PDZD2: variants seen among roughly 807,000 people sequenced by gnomAD.
PDZD2 encodes the protein PDZ domain-containing protein 2.
A neutral mutation model predicts 220.7 loss-of-function variants in PDZD2; 90 were observed. The ratio of observed to expected loss-of-function variants is 0.41; its 90% CI spans 0.34 to 0.49. PDZD2 has a LOEUF of 0.49. Among genes scored for constraint, PDZD2 ranks in the 20% least tolerant of loss-of-function variants. PDZD2 has a pLI of 0.28. For synonymous variants in PDZD2, 1,375 were observed against 1,450.5 expected, an observed-to-expected ratio of 0.95 and a Z score of 1.18; for missense variants, 3,174 against 3,608.5, an observed-to-expected ratio of 0.88 and a Z score of 3.08.
At chr5:32,033,414 A>T (rs1165237361) in intron 6 of PDZD2, among the ~76,000 whole-genome samples, 2 of 152,208 alleles carry the variant, frequency 1.3e-5, no homozygotes, top group Non-Finnish European at 2.9e-5. Context: ...CAACAAACTC[A>T]ACGAAAAAAC....
intron 1 of PDZD2, among the ~76,000 whole-genome samples, chr5:31,668,369 G>A (rs987757849): frequency 2.6e-5 from 4 of 152,208 alleles, no homozygotes; most frequent in African/African-American, 4.8e-5. Context: ...GCCCACCACC[G>A]GGCAAGTGTC....
chr5:31,879,999 C>T (rs1416178231), intron 2 of PDZD2, among the ~76,000 whole-genome samples: 5 of 151,262 alleles, frequency 3.3e-5, no homozygotes, highest in Admixed American at 6.6e-5. Flanking sequence ...CCACAACCTC[C>T]GCCTCCCAGG....
intron 1 of PDZD2, among the ~76,000 whole-genome samples, chr5:31,790,527 G>C (rs143617454): frequency 6.2e-4 from 94 of 152,172 alleles, no homozygotes; most frequent in African/African-American, 1.6e-3. Flanking sequence ...GTGAGAAAGA[G>C]GGAGAGGAAG....
At chr5:31,988,229 C>T (rs185308785) in intron 3 of PDZD2, among the ~76,000 whole-genome samples, 32 of 152,324 alleles carry the variant, frequency 2.1e-4, no homozygotes, top group South Asian at 1.9e-3. Flanking sequence ...ACTTTGCCTT[C>T]GTGGTTGTTA....
At chr5:31,688,243 G>GA (rs5867093) in intron 1 of PDZD2, among the ~76,000 whole-genome samples, 2,240 of 151,212 alleles carry the variant, frequency 0.015, 71 homozygotes, top group African/African-American at 0.051. Context: ...TCTTACAAAA[G>GA]AAAAAAAAAA....
intron 2 of PDZD2, among the ~76,000 whole-genome samples, chr5:31,929,066 T>C (rs1172652905): frequency 1.3e-5 from 2 of 152,146 alleles, no homozygotes; most frequent in Non-Finnish European, 2.9e-5. Context: ...AAACAAACTG[T>C]CCCCCACCCT....
chr5:31,916,922 A>T lies in PDZD2; in HGVS notation c.477-66233A>T, dbSNP rs528646420. ...TGCTAACTGTCATCATGACAGGCCC[A>T]GTTTGTGTGAAACTGTTTATAAACT... On this transcript the variant is annotated intron_variant, in intron 2 of 24. Coordinates refer to ENST00000438447, the MANE Select transcript of PDZD2 (RefSeq NM_178140.4). Among the ~76,000 whole-genome samples the T allele has an allele frequency of 7.2e-5, 11 of 152,308 alleles. No homozygotes were observed. In the South Asian group the frequency reaches 1.9e-3, roughly 26 times the overall value.
chr5:31,696,122 G>A (rs146635930), intron 1 of PDZD2, among the ~76,000 whole-genome samples: 1 of 152,100 alleles, frequency 6.6e-6, no homozygotes, highest in Non-Finnish European at 1.5e-5. Context: ...CATTGGTGGT[G>A]ATGGGAATAG....
intron 2 of PDZD2, among the ~76,000 whole-genome samples, chr5:31,975,037 T>C (rs935103426): frequency 1.3e-5 from 2 of 152,260 alleles, no homozygotes; most frequent in African/African-American, 4.8e-5. Context: ...CCCTAATTAT[T>C]TCTTCACTCA....
chr5:31,927,974 A>G (rs1380358982), intron 2 of PDZD2, among the ~76,000 whole-genome samples: 2 of 152,126 alleles, frequency 1.3e-5, no homozygotes, highest in Non-Finnish European at 2.9e-5. Flanking sequence ...TCTTGAAGAA[A>G]ACCAGGCCAT....
chr5:31,675,409 G>A (rs1746370048), intron 1 of PDZD2, among the ~76,000 whole-genome samples: 1 of 152,200 alleles, frequency 6.6e-6, no homozygotes, highest in Non-Finnish European at 1.5e-5. Context: ...CCTTTGGTAA[G>A]ATGGCCTCAG....
At position 32,103,799 on chromosome 5, in the gene PDZD2, G is replaced by A. The variant is rs77359610; in HGVS notation, c.8353+2560G>A. ...CAGACGCTGACTAAAGCAGCACATC[G>A]GCTGGGGAAGCCAGGCTTCGGGACC... is the stretch of plus-strand genomic sequence containing the variant. On this transcript the variant is annotated intron_variant, in intron 24 of 24. Transcript: ENST00000438447. 4.9e-3 allele frequency: 746 copies of A among 152,420 alleles called. 2 individuals are homozygous for A. The highest frequency in any genetic ancestry group is 7.5e-3 in the Non-Finnish European group (512 of 68,084). 9.4% of individuals were successfully genotyped at this position (152,420 alleles called of 1,614,324 possible).
At chr5:32,007,385 TA>T (rs572413432) in intron 5 of PDZD2, among the ~76,000 whole-genome samples, 6,083 of 136,072 alleles carry the variant, frequency 0.045, 129 homozygotes, top group African/African-American at 0.064. Context: ...AGTTGGGATT[TA>T]AAAAAAAAAA....
intron 2 of PDZD2, among the ~76,000 whole-genome samples, chr5:31,811,023 A>T (rs1464620723): frequency 6.6e-6 from 1 of 152,086 alleles, no homozygotes; most frequent in African/African-American, 2.4e-5. Flanking sequence ...GCTGTCGCCT[A>T]GGCTGGACAG....
intron 1 of PDZD2, among the ~76,000 whole-genome samples, chr5:31,733,023 C>A (rs1749628878): frequency 6.6e-6 from 1 of 152,152 alleles, no homozygotes; most frequent in African/African-American, 2.4e-5. Flanking sequence ...GCCACCGCGC[C>A]CGGCCGGGAG....
Position 32,087,273 on chromosome 5 carries a change from G to C in PDZD2, c.3825G>C (p.Lys1275Asn). The change falls in exon 20 of 25, where the codon AAG becomes AAC. Residue 1275 changes from lysine to asparagine, a missense_variant. Lys to Asn is a moderately conservative substitution (Grantham distance 94, BLOSUM62 0). Around this residue, in one of 4 missense-constraint regions of PDZD2, gnomAD observed 1,861 missense variants for 2,001.0 expected, o/e 0.93. Coordinates refer to ENST00000438447, the MANE Select transcript of PDZD2 (RefSeq NM_178140.4). This position sits in a 1 kb window ranked among gnomAD's most constrained non-coding sequence, Gnocchi z 4.0. The part of the protein sequence containing the change: ...PSQPASPRVT[K>N]CKARSPVRLP... ...AGCCTGCATCGCCCAGGGTCACCAA[G>C]TGCAAGGCCAGGTCTCCAGTCAGGC... The C allele has an allele frequency of 6.2e-7, 1 of 1,614,196 alleles. No homozygotes were observed. Among genetic ancestry groups the C allele is most frequent in the Non-Finnish European group, 8.5e-7 (1 of 1,180,022 alleles).
chr5:32,094,741 T>C (rs1461148412), intron 21 of PDZD2, among the ~76,000 whole-genome samples: 1 of 150,222 alleles, frequency 6.7e-6, no homozygotes, highest in Non-Finnish European at 1.5e-5. Flanking sequence ...TAGCCAGGCG[T>C]GGTGGTATAT....
intron 1 of PDZD2, among the ~76,000 whole-genome samples, chr5:31,779,060 T>TA (rs980116117): frequency 6.6e-6 from 1 of 152,124 alleles, no homozygotes; most frequent in East Asian, 1.9e-4. Flanking sequence ...CTCTCTTGCT[T>TA]AAAAAAAATT....
chr5:32,004,923 G>A (rs1252821867), intron 5 of PDZD2, among the ~76,000 whole-genome samples: 3 of 152,184 alleles, frequency 2.0e-5, no homozygotes, highest in African/African-American at 7.2e-5. Flanking sequence ...GAGCTGTGGT[G>A]CTGAAGCTGA....
Sources: allele counts gnomAD v4.1 joint callset (sites outside exome capture counted in the v4.1 genomes callset), GRCh38; gene constraint gnomAD v4.1.1; regional missense constraint gnomAD v4.1.1; non-coding constraint Gnocchi (gnomAD v3.1); transcripts MANE v1.5; gene names NCBI Gene and HGNC (gene_info 2026-07-23, HGNC 2026-07-21).